The following ASXL1 variants were observed in gnomAD, a reference collection of about 807,000 sequenced individuals.
The protein encoded by ASXL1 is ASXL transcriptional regulator 1.
A neutral mutation model predicts 89.1 loss-of-function variants in ASXL1; 65 were observed. The ratio of observed to expected loss-of-function variants is 0.73; its 90% CI spans 0.60 to 0.90. The LOEUF is 0.90. Ranked by LOEUF, ASXL1 falls within the 40% of genes least tolerant of loss-of-function variation. The pLI is 0.00. For synonymous variants in ASXL1, 739 were observed against 746.9 expected, an observed-to-expected ratio of 0.99 and a Z score of 0.17; for missense variants, 1,786 against 1,942.9, an observed-to-expected ratio of 0.92 and a Z score of 1.52.
In ASXL1 at chr20:32,435,930, G is replaced by T. The variant is rs1444168328; in HGVS notation, c.3218G>T (p.Arg1073Leu). The T allele has an allele frequency of 6.2e-7, 1 of 1,614,010 alleles. No homozygotes were observed. Among genetic ancestry groups the T allele is most frequent in the Non-Finnish European group, 8.5e-7 (1 of 1,180,022 alleles). ...TGGGTGTCTCGAGTATGTGCGGTCCGCCAAAAGATCCCAGATTCCCTACTG... is the reference window on the plus strand; with the variant it reads ...TGGGTGTCTCGAGTATGTGCGGTCCTCCAAAAGATCCCAGATTCCCTACTG... ...QSWVSRVCAV[R>L]QKIPDSLLLA... The change falls in exon 13 of 13, where the codon CGC (arginine) becomes CTC (leucine). Residue 1073 changes from arginine to leucine, a missense_variant. Coordinates refer to ENST00000375687, the MANE Select transcript of ASXL1 (RefSeq NM_015338.6).
At chr20:32,394,742 C>G (rs921739377) in intron 4 of ASXL1, among the ~76,000 whole-genome samples, 7 of 150,692 alleles carry the variant, frequency 4.6e-5, no homozygotes, top group Non-Finnish European at 4.4e-5. Context: ...GAGACGGAGT[C>G]TCACTCGGTT....
intron 1 of ASXL1, chr20:32,359,879 C>T: frequency 2.8e-6 from 2 of 716,636 alleles, no homozygotes; most frequent in South Asian, 3.0e-5. Flanking sequence ...CCAGTAGTAA[C>T]AGGTTATACT....
At chr20:32,404,385 GT>G (rs199601555) in intron 4 of ASXL1, among the ~76,000 whole-genome samples, 2 of 151,864 alleles carry the variant, frequency 1.3e-5, no homozygotes, top group African/African-American at 2.4e-5. Flanking sequence ...TATATACCTA[GT>G]TTTTTTTGGT....
intron 4 of ASXL1, among the ~76,000 whole-genome samples, chr20:32,377,776 C>CCAG (rs2048410561): frequency 6.6e-6 from 1 of 151,418 alleles, no homozygotes; most frequent in Non-Finnish European, 1.5e-5. Context: ...CCTCAGCCTC[C>CCAG]TGCGTAGCTG....
chr20:32,408,107 A>G (rs938727670), intron 4 of ASXL1, among the ~76,000 whole-genome samples: 1 of 151,604 alleles, frequency 6.6e-6, no homozygotes, highest in Non-Finnish European at 1.5e-5. Flanking sequence ...CTATTTTTCT[A>G]TTTTTAGTAG....
In ASXL1 at chr20:32,399,748, T is replaced by A. The variant is rs1162487555; in HGVS notation, c.253-28380T>A. ...TTTAAAAATCTCACATATTTTACTC[T>A]TTTTTTTTTTTTTTTTTTTTTTTTT... On this transcript the variant is annotated intron_variant, in intron 4 of 12. Transcript: ENST00000375687. Among the ~76,000 whole-genome samples the A allele has an allele frequency of 4.2e-3, 111 of 26,560 alleles. 9 individuals carry two copies. The highest frequency in any genetic ancestry group is 0.029 in the Middle Eastern group (1 of 34). The allele number at this position is 26,560 out of a possible 152,430, so 17.4% of individuals were successfully genotyped here. A position where few individuals can be genotyped will look rare whatever the true frequency, so the allele number is the denominator to read the frequency against.
intron 1 of ASXL1, among the ~76,000 whole-genome samples, chr20:32,364,416 C>T (rs1011334502): frequency 6.6e-6 from 1 of 152,108 alleles, no homozygotes; most frequent in African/African-American, 2.4e-5. Context: ...CAGGGTTTCA[C>T]CATGTCGCCC....
intron 4 of ASXL1, among the ~76,000 whole-genome samples, chr20:32,395,531 T>G (rs2048746955): frequency 6.6e-6 from 1 of 152,230 alleles, no homozygotes; most frequent in South Asian, 2.1e-4. Context: ...TCTCTTGAGC[T>G]TCATGGATGA....
chr20:32,370,965 TAAAAA>T (rs776902032), intron 4 of ASXL1, among the ~76,000 whole-genome samples: 6 of 87,378 alleles, frequency 6.9e-5, no homozygotes, highest in South Asian at 4.9e-4. Context: ...TTGTCTCTAT[TAAAAA>T]AAAAAAAAAA....
Position 32,433,750 on chromosome 20 carries a change from G to A in ASXL1, c.1552G>A (p.Glu518Lys), listed in dbSNP as rs1209779368. Residue 518 changes from glutamate to lysine, a missense_variant, in exon 12 of 13, where the codon GAA becomes AAA. Coordinates refer to ENST00000375687, the MANE Select transcript of ASXL1 (RefSeq NM_015338.6). ...PSLPQETVDQ[E>K]PKDQKRKSFE... Reference sequence around the variant, plus strand: ...CCTGCCTCAGGAAACTGTGGATCAGGAACCCAAGGATCAGAAGAGGAAATC... The same window carrying A: ...CCTGCCTCAGGAAACTGTGGATCAGAAACCCAAGGATCAGAAGAGGAAATC... The A allele has an allele frequency of 1.2e-6, 2 of 1,614,032 alleles. No homozygotes were observed. The highest frequency in any genetic ancestry group is 1.7e-6 in the Non-Finnish European group (2 of 1,179,990).
chr20:32,435,630 G>T lies in ASXL1; in HGVS notation c.2918G>T (p.Ser973Ile). 6 of 1,614,152 alleles carry T rather than the reference G, an allele frequency of 3.7e-6. No individual in the cohort carries two copies. The highest frequency in any genetic ancestry group is 4.2e-6 in the Non-Finnish European group (5 of 1,180,038). The change falls in exon 13 of 13, where the codon AGT (serine) becomes ATT (isoleucine). Residue 973 changes from serine (S) to isoleucine (I), a missense_variant. Coordinates refer to ENST00000375687, the MANE Select transcript of ASXL1 (RefSeq NM_015338.6). ...CGAGGAGGCAGTGACAGCAATGGCA[G>T]TTACTGTCAACAGGTGGACATTGAA... Reference protein sequence around the residue: ...PSRGGSDSNGSYCQQVDIEKL... With the variant: ...PSRGGSDSNGIYCQQVDIEKL...
chr20:32,399,968 G>A (rs2048844676), intron 4 of ASXL1, among the ~76,000 whole-genome samples: 1 of 151,730 alleles, frequency 6.6e-6, no homozygotes, highest in Admixed American at 6.6e-5. Flanking sequence ...CGCCATGTTG[G>A]CCAGGCTGGT....
chr20:32,358,359 C>T lies in ASXL1; in HGVS notation c.-417C>T. 1 of 233,926 alleles carries T rather than the reference C, an allele frequency of 4.3e-6. No individual in the cohort carries two copies. Among genetic ancestry groups the T allele is most frequent in the East Asian group, 6.0e-5 (1 of 16,634 alleles). 14.5% of individuals were successfully genotyped at this position (233,926 alleles called of 1,614,324 possible). On this transcript the variant is annotated 5_prime_UTR_variant, in exon 1 of 13. Coordinates refer to ENST00000375687, the MANE Select transcript of ASXL1 (RefSeq NM_015338.6). ...CACACTCACACACACCCACGGCAGA[C>T]ACGCACGCACCCGGGCGCCGAAGGG...
At position 32,368,803 on chromosome 20, in the gene ASXL1, A is replaced by C. The variant is rs189545370; in HGVS notation, c.144-212A>C. ...GTGTTAGTTATGGATTTCGGGTATC[A>C]CATAATGTTTATTCCAGAGTTTTCT... On this transcript the variant is annotated intron_variant, in intron 3 of 12. Coordinates refer to ENST00000375687, the MANE Select transcript of ASXL1 (RefSeq NM_015338.6). Among the ~76,000 whole-genome samples the C allele has an allele frequency of 1.9e-4, 29 of 152,346 alleles. No individual in the cohort carries two copies. In the East Asian group the frequency reaches 5.6e-3, roughly 29 times the overall value.
At chr20:32,379,341 C>T (rs981629518) in intron 4 of ASXL1, among the ~76,000 whole-genome samples, 47 of 132,808 alleles carry the variant, frequency 3.5e-4, no homozygotes, top group Admixed American at 1.0e-3. Context: ...CAGACCACCA[C>T]GCCCAACTAA....
chr20:32,415,572 G>A (rs988947755), intron 4 of ASXL1, among the ~76,000 whole-genome samples: 2 of 152,144 alleles, frequency 1.3e-5, no homozygotes, highest in Admixed American at 1.3e-4. Context: ...CTCAACTCTT[G>A]TCTGCAGTGG....
chr20:32,372,950 T>C (rs2122861126), intron 4 of ASXL1, among the ~76,000 whole-genome samples: 1 of 151,178 alleles, frequency 6.6e-6, no homozygotes, highest in East Asian at 2.0e-4. Flanking sequence ...TTTTTCTTTT[T>C]TTTTTTTTGG....
At chr20:32,367,847 T>G in intron 3 of ASXL1, 118 bp downstream of exon 3, 1 of 749,412 alleles carries the variant, frequency 1.3e-6, no homozygotes, top group Admixed American at 1.8e-5. Context: ...AGCTCTGTAA[T>G]TTGTAGACAG....
At chr20:32,413,994 A>G (rs955511141) in intron 4 of ASXL1, among the ~76,000 whole-genome samples, 1 of 152,188 alleles carries the variant, frequency 6.6e-6, no homozygotes, top group African/African-American at 2.4e-5. Flanking sequence ...TCAGAATTCC[A>G]GAAGATGTTA....
Sources: gnomAD v4.1 joint callset for allele counts (sites outside exome capture counted in the v4.1 genomes callset) on GRCh38, gnomAD v4.1.1 for gene constraint, MANE v1.5 for transcripts, NCBI Gene and HGNC (gene_info 2026-07-23, HGNC 2026-07-21) for gene names.